Variants in MCIDAS observed in about 807,000 individuals in gnomAD.
MCIDAS encodes the protein multiciliate differentiation and DNA synthesis associated cell cycle protein, also known as multicilin.
Under a neutral mutation model 35.4 loss-of-function variants are expected in MCIDAS, and 23 were observed. That is an observed-to-expected ratio of 0.65 (90% CI 0.47 to 0.92). The LOEUF (loss-of-function observed/expected upper bound fraction) is 0.92. Ranked by LOEUF, MCIDAS falls within the 40% of genes least tolerant of loss-of-function variation. The pLI is 0.00. For missense variants in MCIDAS, 480 were observed against 531.8 expected, an observed-to-expected ratio of 0.90 and a Z score of 0.96; for synonymous variants, 228 against 235.2, an observed-to-expected ratio of 0.97 and a Z score of 0.28.
chr5:55,222,543 G>A lies in MCIDAS; in HGVS notation c.383-144C>T, dbSNP rs1046550173. 2.2e-5 allele frequency: 15 copies of A among 673,350 alleles called. No homozygotes were observed. The South Asian group carries it at 2.7e-4, about 12-fold the overall frequency. 41.7% of individuals were successfully genotyped at this position (673,350 alleles called of 1,614,324 possible). Reference sequence around the variant, plus strand: ...CCCTTACTCCTAAACGCCTGATTACGAGGCCCTTCCTGATAGCCTGTACAT... The same window carrying A: ...CCCTTACTCCTAAACGCCTGATTACAAGGCCCTTCCTGATAGCCTGTACAT... On this transcript the variant is annotated intron_variant, in intron 4 of 6. Coordinates refer to ENST00000513312, the MANE Select transcript of MCIDAS (RefSeq NM_001190787.3).
chr5:55,222,118 C>T, intron 5 of MCIDAS, 58 bp downstream of exon 5: 1 of 1,499,788 alleles, frequency 6.7e-7, no homozygotes, highest in African/African-American at 1.4e-5. Flanking sequence ...ACCCCACTTC[C>T]ACCCTCTATA....
At chr5:55,226,797 G>A (rs778197182) in intron 2 of MCIDAS, 38 bp downstream of exon 2, 282 of 1,387,200 alleles carry the variant, frequency 2.0e-4, no homozygotes, top group Non-Finnish European at 2.6e-4. Context: ...TCCCGGCGCG[G>A]GGAACCCGAG....
In MCIDAS at chr5:55,226,606, C is replaced by G. The variant is rs1669789445; in HGVS notation, c.279G>C (p.Ala93=). 1 of 1,531,852 alleles carries G rather than the reference C, an allele frequency of 6.5e-7. No homozygotes were observed. Among genetic ancestry groups the G allele is most frequent in the Admixed American group, 2.0e-5 (1 of 50,470 alleles). 94.9% of individuals were successfully genotyped at this position (1,531,852 alleles called of 1,614,324 possible). A position where few individuals can be genotyped will look rare whatever the true frequency, so the allele number is the denominator to read the frequency against. ...ADCSSLLGSD[A]PPGGDLAASQ... ...AGGCGGCCAGGTCACCACCAGGCGGCGCGTCGGACCCGAGTAGCGAAGAGC... is the reference window on the plus strand; with the variant it reads ...AGGCGGCCAGGTCACCACCAGGCGGGGCGTCGGACCCGAGTAGCGAAGAGC... The change falls in exon 3 of 7, where the codon GCG becomes GCC. Residue 93 remains alanine, a synonymous_variant. Transcript: ENST00000513312.
At position 55,226,860 on chromosome 5, in the gene MCIDAS, CG is replaced by C; in HGVS notation, c.191del (p.Pro64ArgfsTer14). 7.2e-7 allele frequency: 1 copy of C among 1,389,472 alleles called. No individual in the cohort carries two copies. The highest frequency in any genetic ancestry group is 1.6e-5 in the South Asian group (1 of 62,842). 86.1% of individuals were successfully genotyped at this position (1,389,472 alleles called of 1,614,324 possible). On this transcript the variant is annotated frameshift_variant, in exon 2 of 7. Coordinates refer to ENST00000513312, the MANE Select transcript of MCIDAS (RefSeq NM_001190787.3). LOFTEE classifies it high-confidence loss of function. ...GSPVSVYEDP[P>X]DAEPTALPAL... is the part of the protein sequence containing the mutation. Reference sequence around the variant, plus strand: ...CTGGCAGCGCTGTGGGCTCGGCGTCCGGGGGATCCTCGTACACCGACACCGG... The same window carrying C: ...CTGGCAGCGCTGTGGGCTCGGCGTCCGGGGATCCTCGTACACCGACACCGG...
chr5:55,224,727 A>G (rs1456732778), intron 3 of MCIDAS, among the ~76,000 whole-genome samples: 2 of 152,224 alleles, frequency 1.3e-5, no homozygotes, highest in Non-Finnish European at 2.9e-5. Flanking sequence ...AAACATTTCT[A>G]GAGCACTTCC....
At chr5:55,224,147 T>C (rs984977480) in intron 3 of MCIDAS, among the ~76,000 whole-genome samples, 14 of 152,008 alleles carry the variant, frequency 9.2e-5, no homozygotes, top group Admixed American at 7.2e-4. Context: ...GCCTCCTGCC[T>C]CCATACTTCA....
In MCIDAS at chr5:55,226,501, G is replaced by A. The variant is rs1199274321; in HGVS notation, c.309+75C>T. 8 of 1,411,694 alleles carry A rather than the reference G, an allele frequency of 5.7e-6. No individual in the cohort carries two copies. In the East Asian group the frequency reaches 1.9e-4, roughly 33 times the overall value. The allele number at this position is 1,411,694 out of a possible 1,614,324, so 87.4% of individuals were successfully genotyped here. ...GCTCCCGACCCGAGAGGAGCTTTTG[G>A]GGAATTAAAACCACCACCCCGGAGG... On this transcript the variant is annotated intron_variant, in intron 3 of 6. Transcript: ENST00000513312.
In MCIDAS at chr5:55,223,322, G is replaced by A. The variant is rs1745396367; in HGVS notation, c.310-299C>T. Among the ~76,000 whole-genome samples, 2 of 152,114 alleles carry A rather than the reference G, an allele frequency of 1.3e-5. No individual in the cohort carries two copies. Among genetic ancestry groups the A allele is most frequent in the Admixed American group, 1.3e-4 (2 of 15,278 alleles). The stretch of plus-strand genomic sequence containing the variant: ...CCGAGACAGGGAACCCAGCAGGCTT[G>A]CACTGCCACGGTGGGGAGCGGGACG... On this transcript the variant is annotated intron_variant, in intron 3 of 6. Transcript: ENST00000513312. This position sits in a 1 kb window ranked among gnomAD's most constrained non-coding sequence, Gnocchi z 4.4.
intron 3 of MCIDAS, among the ~76,000 whole-genome samples, chr5:55,225,464 C>A (rs1745440280): frequency 6.6e-6 from 1 of 152,314 alleles, no homozygotes; most frequent in Non-Finnish European, 1.5e-5. Flanking sequence ...CATTATCTTT[C>A]CTTATTTGAT....
In MCIDAS at chr5:55,222,972, T is replaced by A. The variant is rs1010587200; in HGVS notation, c.361A>T (p.Thr121Ser). 6.4e-5 allele frequency: 98 copies of A among 1,536,102 alleles called. No homozygotes were observed. The highest frequency in any genetic ancestry group is 8.3e-5 in the Non-Finnish European group (95 of 1,146,892). ...ADFNLQDFRD[T>S]VDDLISDSSS... ...TTGCCTGAAATGAGATCATCCACCGTGTCTCTGAAATCTTGCAGATTGAAG... is the reference window on the plus strand; with the variant it reads ...TTGCCTGAAATGAGATCATCCACCGAGTCTCTGAAATCTTGCAGATTGAAG... Residue 121 changes from threonine to serine, a missense_variant, in exon 4 of 7, where the codon ACG becomes TCG. Transcript: ENST00000513312.
intron 5 of MCIDAS, 57 bp from the exon 6 acceptor site, chr5:55,221,183 T>G (rs973757275): frequency 7.8e-7 from 1 of 1,287,696 alleles, no homozygotes; most frequent in African/African-American, 1.5e-5. Context: ...CTCGTCTGCA[T>G]ATCTGGCATG....
chr5:55,222,108 AC>A (rs1745369970), intron 5 of MCIDAS, 67 bp downstream of exon 5: 1 of 1,458,254 alleles, frequency 6.9e-7, no homozygotes, highest in South Asian at 1.2e-5. Flanking sequence ...TCCCTTGCAA[AC>A]CCCACTTCCA....
chr5:55,220,740 C>T lies in MCIDAS; in HGVS notation c.784G>A (p.Ala262Thr). 6.5e-7 allele frequency: 1 copy of T among 1,535,702 alleles called. No individual in the cohort carries two copies. Among genetic ancestry groups the T allele is most frequent in the Non-Finnish European group, 8.7e-7 (1 of 1,146,542 alleles). ...ACCAACTCCTCCAGGCTCCTTTTGGCCTTCGCCTTGAGCAGGAAGGGCTCG... is the reference window on the plus strand; with the variant it reads ...ACCAACTCCTCCAGGCTCCTTTTGGTCTTCGCCTTGAGCAGGAAGGGCTCG... Reference protein sequence around the residue: ...AAEPFLLKAKAKRSLEELVSA... With the variant: ...AAEPFLLKAKTKRSLEELVSA... Residue 262 changes from alanine to threonine, a missense_variant, in exon 7 of 7, where the codon GCC becomes ACC. Physicochemically the swap from Ala to Thr is moderately conservative, Grantham distance 58. Coordinates refer to ENST00000513312, the MANE Select transcript of MCIDAS (RefSeq NM_001190787.3).
In MCIDAS at chr5:55,220,656, G is replaced by T; in HGVS notation, c.868C>A (p.Arg290Ser). The change falls in exon 7 of 7, where the codon CGC becomes AGC. Residue 290 changes from arginine to serine, a missense_variant. Coordinates refer to ENST00000513312, the MANE Select transcript of MCIDAS (RefSeq NM_001190787.3). ...CGGCTCTGAAGGGCTTCATCGCAGC[G>T]CTCGGAAATCTCCCTCAGGATGGCG... Reference protein sequence around the residue: ...VDAILREISERCDEALQSRDP... With the variant: ...VDAILREISESCDEALQSRDP... 6.5e-7 allele frequency: 1 copy of T among 1,536,092 alleles called. No homozygotes were observed. Among genetic ancestry groups the T allele is most frequent in the Non-Finnish European group, 8.7e-7 (1 of 1,146,862 alleles).
chr5:55,223,188 G>A lies in MCIDAS; in HGVS notation c.310-165C>T, dbSNP rs1384268427. Among the ~76,000 whole-genome samples the A allele has an allele frequency of 6.6e-6, 1 of 152,112 alleles. No homozygotes were observed. The highest frequency in any genetic ancestry group is 2.4e-5 in the African/African-American group (1 of 41,418). ...CCCCCCAAATAAAACAATTTTTGTGGCGGGTCCGGAACCCTTTCTAGACCA... is the reference window on the plus strand; with the variant it reads ...CCCCCCAAATAAAACAATTTTTGTGACGGGTCCGGAACCCTTTCTAGACCA... On this transcript the variant is annotated intron_variant, in intron 3 of 6. Coordinates refer to ENST00000513312, the MANE Select transcript of MCIDAS (RefSeq NM_001190787.3). This position sits in a 1 kb window ranked among gnomAD's most constrained non-coding sequence, Gnocchi z 4.4.
rs757280816 is a variant in MCIDAS, at chr5:55,220,631, C to T, written c.893G>A (p.Arg298His). 1.2e-4 allele frequency: 180 copies of T among 1,535,984 alleles called. 1 individual carries two copies. In the South Asian group the frequency reaches 2.0e-3, roughly 17 times the overall value. ...SERCDEALQS[R>H]DPKRPRLLPE... ...CAGCAGTCGGGGCCGCTTGGGATCGCGGCTCTGAAGGGCTTCATCGCAGCG... is the reference window on the plus strand; with the variant it reads ...CAGCAGTCGGGGCCGCTTGGGATCGTGGCTCTGAAGGGCTTCATCGCAGCG... The change falls in exon 7 of 7, where the codon CGC becomes CAC. Residue 298 changes from arginine (R) to histidine (H), a missense_variant. Arg to His is a conservative substitution (Grantham distance 29). Transcript: ENST00000513312.
In MCIDAS at chr5:55,226,839, CA is replaced by C; in HGVS notation, c.212del (p.Leu71ArgfsTer7). ...EDPPDAEPTA[L>X]PALTTIDLQD... ...CGTGGGTGCCACGGGGCTCACCTGGCAGCGCTGTGGGCTCGGCGTCCGGGGG... is the reference window on the plus strand; with the variant it reads ...CGTGGGTGCCACGGGGCTCACCTGGCGCGCTGTGGGCTCGGCGTCCGGGGG... On this transcript the variant is annotated frameshift_variant, in exon 2 of 7. Coordinates refer to ENST00000513312, the MANE Select transcript of MCIDAS (RefSeq NM_001190787.3). LOFTEE classifies it high-confidence loss of function. 2.2e-6 allele frequency: 3 copies of C among 1,390,418 alleles called. No individual in the cohort carries two copies. The South Asian group carries it at 4.8e-5, about 22-fold the overall frequency. 86.1% of individuals were successfully genotyped at this position (1,390,418 alleles called of 1,614,324 possible).
chr5:55,226,521 C>G (rs962694432), intron 3 of MCIDAS, 55 bp downstream of exon 3: 3 of 1,494,682 alleles, frequency 2.0e-6, no homozygotes, highest in Non-Finnish European at 1.8e-6. Context: ...ACCACCACCC[C>G]GGAGGAGGGT....
chr5:55,222,933 C>A lies in MCIDAS; in HGVS notation c.382+18G>T, dbSNP rs893440498. The A allele has an allele frequency of 5.9e-6, 9 of 1,534,846 alleles. No individual in the cohort carries two copies. In the Admixed American group the frequency reaches 9.8e-5, roughly 17 times the overall value. ...GGACACCCCCGCTGTTATTTAACTG[C>A]CAGGAGACTGCACTTGCCTGAAATG... On this transcript the variant is annotated intron_variant, in intron 4 of 6. Transcript: ENST00000513312.
Sources: gnomAD v4.1 joint callset for allele counts (sites outside exome capture counted in the v4.1 genomes callset) on GRCh38, gnomAD v4.1.1 for gene constraint, Gnocchi (gnomAD v3.1) non-coding constraint, MANE v1.5 for transcripts, NCBI Gene and HGNC (gene_info 2026-07-23, HGNC 2026-07-21) for gene names.